GRM3: variants seen among roughly 807,000 people sequenced by gnomAD.
The protein encoded by GRM3 is glutamate metabotropic receptor 3.
Under a neutral mutation model 70.5 loss-of-function variants are expected in GRM3, and 26 were observed. The ratio of observed to expected loss-of-function variants is 0.37; its 90% CI spans 0.27 to 0.51. The LOEUF (loss-of-function observed/expected upper bound fraction) is 0.51, where lower values mean the gene tolerates loss of function less well. Ranked by LOEUF, GRM3 falls within the 20% of genes least tolerant of loss-of-function variation. The pLI, the probability that GRM3 is intolerant of heterozygous loss-of-function variation, is 0.93. For synonymous variants in GRM3, 443 were observed against 434.9 expected, an observed-to-expected ratio of 1.02 and a Z score of -0.23; for missense variants, 859 against 1,123.8, an observed-to-expected ratio of 0.76 and a Z score of 3.37.
intron 3 of GRM3, among the ~76,000 whole-genome samples, chr7:86,802,637 C>T (rs1247985881): frequency 6.6e-6 from 1 of 151,556 alleles, no homozygotes; most frequent in African/African-American, 2.4e-5. Flanking sequence ...ATCACCATGT[C>T]TTCAATGCTG....
intron 1 of GRM3, among the ~76,000 whole-genome samples, chr7:86,722,792 T>C (rs994987785): frequency 4.6e-5 from 7 of 152,074 alleles, no homozygotes; most frequent in African/African-American, 9.7e-5. Flanking sequence ...AAATGACTTA[T>C]CTAGCAAATT....
intron 3 of GRM3, among the ~76,000 whole-genome samples, chr7:86,836,157 A>G (rs937054839): frequency 6.6e-6 from 1 of 152,190 alleles, no homozygotes; most frequent in Admixed American, 6.5e-5. Flanking sequence ...TTCCCATACA[A>G]TGTTCATGGG....
In GRM3 at chr7:86,741,310, G is replaced by A. The variant is rs569420429; in HGVS notation, c.-140-23696G>A. Among the ~76,000 whole-genome samples, 4 of 152,198 alleles carry A rather than the reference G, an allele frequency of 2.6e-5. No homozygotes were observed. The South Asian group carries it at 8.3e-4, about 32-fold the overall frequency. ...TGGGCCGGACAGGAAAACCACAACT[G>A]CTTCTAAAAAACATTCAGTTTATAT... On this transcript the variant is annotated intron_variant, in intron 1 of 5. Coordinates refer to ENST00000361669, the MANE Select transcript of GRM3 (RefSeq NM_000840.3).
chr7:86,863,439 G>A (rs1217740018), intron 5 of GRM3, among the ~76,000 whole-genome samples: 1 of 152,100 alleles, frequency 6.6e-6, no homozygotes, highest in African/African-American at 2.4e-5. Flanking sequence ...CAGTTATGGA[G>A]GCTGAAAGTC....
intron 1 of GRM3, among the ~76,000 whole-genome samples, chr7:86,703,448 G>T (rs1562831437): frequency 6.6e-6 from 1 of 151,942 alleles, no homozygotes; most frequent in Non-Finnish European, 1.5e-5. Flanking sequence ...GAGTAGACAG[G>T]AGAGAAGTGT....
intron 1 of GRM3, 162 bp downstream of exon 1, chr7:86,645,034 T>C (rs935226095): frequency 1.1e-5 from 4 of 362,742 alleles, no homozygotes; most frequent in Non-Finnish European, 2.2e-5. Flanking sequence ...GCAGAGGCGA[T>C]GTGGGTGTGC....
chr7:86,730,283 G>GGT (rs1265733597), intron 1 of GRM3, among the ~76,000 whole-genome samples: 4 of 152,076 alleles, frequency 2.6e-5, no homozygotes, highest in Non-Finnish European at 4.4e-5. Flanking sequence ...AGCTGAACAT[G>GGT]GTGGCACATG....
chr7:86,692,712 CA>C (rs1794723432), intron 1 of GRM3, among the ~76,000 whole-genome samples: 1 of 152,180 alleles, frequency 6.6e-6, no homozygotes, highest in Admixed American at 6.5e-5. Context: ...GTATTTTTAA[CA>C]GTGCCTGGTA....
intron 3 of GRM3, among the ~76,000 whole-genome samples, chr7:86,788,835 T>C (rs1478863300): frequency 6.6e-6 from 1 of 152,244 alleles, no homozygotes; most frequent in Non-Finnish European, 1.5e-5. Context: ...CATATATTAA[T>C]TAACTTTGTT....
chr7:86,650,095 T>C (rs1793569264), intron 1 of GRM3, among the ~76,000 whole-genome samples: 2 of 152,158 alleles, frequency 1.3e-5, no homozygotes, highest in African/African-American at 4.8e-5. Flanking sequence ...ACAAAACTAA[T>C]AATAAGTCAA....
chr7:86,661,485 C>A (rs1333753291), intron 1 of GRM3, among the ~76,000 whole-genome samples: 1 of 151,796 alleles, frequency 6.6e-6, no homozygotes, highest in Non-Finnish European at 1.5e-5. Flanking sequence ...AGAAAATAAG[C>A]GAGGTATAGT....
intron 1 of GRM3, among the ~76,000 whole-genome samples, chr7:86,659,665 T>C (rs1023202056): frequency 4.6e-5 from 7 of 152,034 alleles, no homozygotes; most frequent in Admixed American, 3.9e-4. Flanking sequence ...GAAATGGAAG[T>C]TAGTAGTATA....
At chr7:86,759,089 C>T (rs1796417740) in intron 1 of GRM3, among the ~76,000 whole-genome samples, 1 of 152,092 alleles carries the variant, frequency 6.6e-6, no homozygotes, top group South Asian at 2.1e-4. Context: ...ACTCTTCTCC[C>T]TAACTTTAAA....
In GRM3 at chr7:86,765,648, ATC is replaced by A. The variant is rs772796292; in HGVS notation, c.468+39_468+40del. On this transcript the variant is annotated intron_variant, in intron 2 of 5. Transcript: ENST00000361669. ...GCTAATGCTATTGCTAAAAGGCTGT[ATC>A]TCTTTGCTTTTATGTGTTGGGGGAA... 7 of 1,577,586 alleles carry A rather than the reference ATC, an allele frequency of 4.4e-6. No individual in the cohort carries two copies. The East Asian group carries it at 1.4e-4, about 31-fold the overall frequency.
intron 3 of GRM3, among the ~76,000 whole-genome samples, chr7:86,816,230 C>A (rs1798011706): frequency 6.6e-6 from 1 of 151,864 alleles, no homozygotes; most frequent in Non-Finnish European, 1.5e-5. Context: ...GCTTCCCCAT[C>A]CAGTGGCTAT....
chr7:86,748,261 A>G (rs1170251195), intron 1 of GRM3, among the ~76,000 whole-genome samples: 1 of 152,026 alleles, frequency 6.6e-6, no homozygotes, highest in African/African-American at 2.4e-5. Flanking sequence ...GCTCATCCAC[A>G]CTAGTACCCT....
chr7:86,831,324 G>T (rs1287729010), intron 3 of GRM3, among the ~76,000 whole-genome samples: 1 of 152,042 alleles, frequency 6.6e-6, no homozygotes, highest in Non-Finnish European at 1.5e-5. Flanking sequence ...TTTTTTGTAT[G>T]CATTAAAACT....
intron 3 of GRM3, among the ~76,000 whole-genome samples, chr7:86,831,888 C>G (rs370883282): frequency 6.6e-6 from 1 of 151,314 alleles, no homozygotes. Flanking sequence ...GTTTTCCACA[C>G]GTAAGACTGA....
chr7:86,707,967 A>G (rs1398825611), intron 1 of GRM3, among the ~76,000 whole-genome samples: 6 of 152,144 alleles, frequency 3.9e-5, no homozygotes, highest in Non-Finnish European at 8.8e-5. Flanking sequence ...TTCCCACTTT[A>G]AAAAATGAGA....
Sources: gnomAD v4.1 joint callset for allele counts (sites outside exome capture counted in the v4.1 genomes callset) on GRCh38, gnomAD v4.1.1 for gene constraint, MANE v1.5 for transcripts, NCBI Gene and HGNC (gene_info 2026-07-23, HGNC 2026-07-21) for gene names.